The following NPAS2 variants were observed in gnomAD, a reference collection of about 807,000 sequenced individuals.
NPAS2 encodes the protein neuronal PAS domain protein 2.
NPAS2 carries 23 observed loss-of-function variants against 107.5 expected under a neutral mutation model. The ratio of observed to expected loss-of-function variants is 0.21; its 90% CI spans 0.15 to 0.30. The LOEUF is 0.30. Ranked by LOEUF, NPAS2 falls within the 10% of genes least tolerant of loss-of-function variation. The probability of loss-of-function intolerance (pLI) is 1.00; values close to 1 mark genes in which losing one functional copy is unlikely to be tolerated. For synonymous variants in NPAS2, 403 were observed against 417.5 expected (o/e 0.97, Z 0.42); for missense variants, 756 against 1,043.3 (o/e 0.72, Z 3.79).
intron 1 of NPAS2, among the ~76,000 whole-genome samples, chr2:100,903,855 A>C (rs1681959036): frequency 6.6e-6 from 1 of 152,038 alleles, no homozygotes. Flanking sequence ...TGTGTGAATG[A>C]AGAAAGGAGC....
intron 2 of NPAS2, among the ~76,000 whole-genome samples, chr2:100,909,022 C>T (rs547464175): frequency 5.9e-5 from 9 of 152,326 alleles, no homozygotes; most frequent in Admixed American, 6.5e-5. Context: ...AAGAAGCCTA[C>T]GCATGCCATT....
chr2:100,824,234 C>T (rs894322317), intron 1 of NPAS2, among the ~76,000 whole-genome samples: 59 of 152,178 alleles, frequency 3.9e-4, no homozygotes, highest in African/African-American at 1.3e-3. Flanking sequence ...CGTGGAGAAC[C>T]GGGCCAGGGC....
intron 1 of NPAS2, among the ~76,000 whole-genome samples, chr2:100,856,166 G>A (rs540352092): frequency 2.6e-5 from 4 of 152,318 alleles, no homozygotes; most frequent in Admixed American, 2.0e-4. Context: ...AGCTCTCTCT[G>A]GCAATTACAG....
intron 1 of NPAS2, among the ~76,000 whole-genome samples, chr2:100,854,325 G>T (rs983968804): frequency 2.0e-5 from 3 of 152,158 alleles, no homozygotes; most frequent in African/African-American, 7.2e-5. Flanking sequence ...AGCCTAAGTG[G>T]CTTAAGGAAG....
intron 1 of NPAS2, among the ~76,000 whole-genome samples, chr2:100,872,166 C>T (rs1356198644): frequency 2.0e-5 from 3 of 152,126 alleles, no homozygotes; most frequent in Non-Finnish European, 2.9e-5. Flanking sequence ...AAGTGTTCAC[C>T]AATATGCTTT....
chr2:100,938,440 G>A (rs760845866), intron 5 of NPAS2, among the ~76,000 whole-genome samples: 24 of 152,174 alleles, frequency 1.6e-4, no homozygotes, highest in Admixed American at 2.0e-4. Flanking sequence ...AGAAGTGCAC[G>A]ATGGAAGCTC....
intron 11 of NPAS2, 49 bp from the exon 12 acceptor site, chr2:100,970,941 C>G: frequency 3.2e-6 from 5 of 1,554,890 alleles, no homozygotes; most frequent in East Asian, 2.2e-5. Context: ...GGTGTCATCC[C>G]TTCCTGGAAT....
chr2:100,830,138 C>T (rs1201857148), intron 1 of NPAS2, among the ~76,000 whole-genome samples: 2 of 152,162 alleles, frequency 1.3e-5, no homozygotes, highest in Non-Finnish European at 2.9e-5. Context: ...AATATCCTAA[C>T]GCGAATAGAA....
At chr2:100,986,045 A>G (rs1412860721) in intron 16 of NPAS2, 1 of 152,254 alleles carries the variant, frequency 6.6e-6, no homozygotes, top group Non-Finnish European at 1.5e-5. Flanking sequence ...TATGTGCTAT[A>G]AATGAGTCTT....
intron 1 of NPAS2, among the ~76,000 whole-genome samples, chr2:100,887,504 A>C (rs1680772524): frequency 6.6e-6 from 1 of 152,188 alleles, no homozygotes; most frequent in South Asian, 2.1e-4. Context: ...GCTGGGAGGT[A>C]GCACCACGGT....
intron 1 of NPAS2, among the ~76,000 whole-genome samples, chr2:100,887,064 C>G (rs1680741894): frequency 1.3e-5 from 2 of 152,182 alleles, no homozygotes; most frequent in African/African-American, 2.4e-5. Flanking sequence ...TGAACAGATT[C>G]CTTTGCTTCC....
intron 5 of NPAS2, among the ~76,000 whole-genome samples, chr2:100,942,033 C>T (rs1285723338): frequency 6.6e-6 from 1 of 152,130 alleles, no homozygotes; most frequent in Non-Finnish European, 1.5e-5. Flanking sequence ...CAACTGCAAG[C>T]AGCTTGGCAC....
intron 1 of NPAS2, among the ~76,000 whole-genome samples, chr2:100,832,196 A>T (rs1042793635): frequency 2.0e-5 from 3 of 152,188 alleles, no homozygotes; most frequent in Non-Finnish European, 4.4e-5. Flanking sequence ...AGAATGAGAG[A>T]AGAACTGTGC....
chr2:100,993,434 G>T lies in NPAS2; in HGVS notation c.2199G>T (p.Gly733=). The T allele has an allele frequency of 2.5e-6, 4 of 1,613,502 alleles. No individual in the cohort carries two copies. Among genetic ancestry groups the T allele is most frequent in the Non-Finnish European group, 3.4e-6 (4 of 1,179,742 alleles). Residue 733 remains glycine (G), a synonymous_variant, in exon 20 of 21, where the codon GGG becomes GGT. Coordinates refer to ENST00000335681, the MANE Select transcript of NPAS2 (RefSeq NM_002518.4). ...SSAPMPVLLM[G]QAVLHPSFPA... is the part of the protein sequence containing the mutation. ...CCCCGATGCCCGTCCTGCTGATGGG[G>T]CAGGCGGTGCTCCACCCCAGCTTCC...
intron 1 of NPAS2, among the ~76,000 whole-genome samples, chr2:100,851,996 A>G (rs771349275): frequency 2.0e-5 from 3 of 152,326 alleles, no homozygotes; most frequent in Non-Finnish European, 2.9e-5. Flanking sequence ...CACGTTAGCT[A>G]CATGGTTCTT....
In NPAS2 at chr2:100,855,364, C is replaced by G. The variant is rs1052605895; in HGVS notation, c.-23+34950C>G. Among the ~76,000 whole-genome samples, 3 of 152,268 alleles carry G rather than the reference C, an allele frequency of 2.0e-5. No homozygotes were observed. The East Asian group carries it at 5.8e-4, about 29-fold the overall frequency. ...TGCTTAGCCTGTCTCACGAAGGCCT[C>G]GACCGCGGGTAGAGCTGGAACCACC... On this transcript the variant is annotated intron_variant, in intron 1 of 20. Transcript: ENST00000335681.
chr2:100,964,481 ACCGAGTGTTGGAGCG>A (rs1676098383), intron 8 of NPAS2, among the ~76,000 whole-genome samples: 2 of 152,308 alleles, frequency 1.3e-5, no homozygotes, highest in Admixed American at 1.3e-4. Flanking sequence ...CTGGGTGAGA[ACCGAGTGTTGGAGCG>A]CTGGGGGTTT....
At chr2:100,818,850 C>A (rs1375774953), upstream of NPAS2, among the ~76,000 whole-genome samples, 2 of 152,234 alleles carry the variant, frequency 1.3e-5, no homozygotes, top group African/African-American at 4.8e-5. Flanking sequence ...GGGACCTTTC[C>A]CCTCTCCCGG....
intron 20 of NPAS2, chr2:100,994,215 T>A (rs556506639): frequency 6.6e-6 from 1 of 152,584 alleles, no homozygotes; most frequent in Non-Finnish European, 1.5e-5. Context: ...GCTTCCTCCC[T>A]GGCCTGCAGC....
Sources: gnomAD v4.1 joint callset for allele counts (sites outside exome capture counted in the v4.1 genomes callset) on GRCh38, gnomAD v4.1.1 for gene constraint, MANE v1.5 for transcripts, NCBI Gene and HGNC (gene_info 2026-07-23, HGNC 2026-07-21) for gene names.